CSMD2: variants seen among roughly 807,000 people sequenced by gnomAD.
The protein encoded by CSMD2 is CUB and sushi domain-containing protein 2.
Under a neutral mutation model 398.5 loss-of-function variants are expected in CSMD2, and 130 were observed. That is an observed-to-expected ratio of 0.33 (90% CI 0.28 to 0.38). The LOEUF (loss-of-function observed/expected upper bound fraction) is 0.38. CSMD2 is among the 10% of genes least tolerant of loss of function. The pLI is 1.00. For missense variants in CSMD2, 3,829 were observed against 4,764.9 expected (o/e 0.80, Z 5.78); for synonymous variants, 1,828 against 1,908.5 (o/e 0.96, Z 1.10).
At chr1:34,087,384 C>T (rs1658004039) in intron 2 of CSMD2, among the ~76,000 whole-genome samples, 2 of 151,774 alleles carry the variant, frequency 1.3e-5, no homozygotes, top group Admixed American at 6.6e-5. Context: ...GAAAACCAAA[C>T]ACTGCATGTT....
At chr1:34,089,420 A>G (rs563409765) in intron 1 of CSMD2, among the ~76,000 whole-genome samples, 35 of 152,240 alleles carry the variant, frequency 2.3e-4, no homozygotes, top group African/African-American at 7.9e-4. Context: ...TCATTTAATC[A>G]AGGCTTACAA....
At chr1:34,133,705 G>T (rs970749744) in intron 1 of CSMD2, among the ~76,000 whole-genome samples, 8 of 152,026 alleles carry the variant, frequency 5.3e-5, no homozygotes, top group Non-Finnish European at 7.4e-5. Flanking sequence ...CCCATCCCTT[G>T]TGTTCCTTTC....
intron 4 of CSMD2, among the ~76,000 whole-genome samples, chr1:33,925,449 T>C (rs181271788): frequency 6.6e-6 from 1 of 152,338 alleles, no homozygotes; most frequent in Non-Finnish European, 1.5e-5. Flanking sequence ...TATTATAGCC[T>C]TGTAATATAT....
At chr1:33,836,585 G>C (rs6685744) in intron 6 of CSMD2, among the ~76,000 whole-genome samples, 119,518 of 152,132 alleles carry the variant, frequency 0.79, 47,805 homozygotes, top group East Asian at 0.94. Context: ...CCCTAGCCTC[G>C]CTGCCACCTT....
At chr1:34,007,800 A>G (rs1647106662) in intron 3 of CSMD2, among the ~76,000 whole-genome samples, 1 of 152,210 alleles carries the variant, frequency 6.6e-6, no homozygotes, top group South Asian at 2.1e-4. Context: ...TGCCTGGAAG[A>G]ATAAATTACA....
At position 33,945,006 on chromosome 1, in the gene CSMD2, T is replaced by C. The variant is rs542018365; in HGVS notation, c.518-9052A>G. 2.6e-5 allele frequency among the ~76,000 whole-genome samples: 4 copies of C among 152,112 alleles called. No individual in the cohort carries two copies. The East Asian group carries it at 7.7e-4, about 29-fold the overall frequency. Reference sequence around the variant, plus strand: ...TCCAGTCAGAGCTCTCCTTGGCCCCTTTCCTCCAACCTAGACTAGCTGGGG... The same window carrying C: ...TCCAGTCAGAGCTCTCCTTGGCCCCCTTCCTCCAACCTAGACTAGCTGGGG... On this transcript the variant is annotated intron_variant, in intron 3 of 70. Transcript: ENST00000373381.
At chr1:33,738,496 G>T (rs1011878833) in intron 15 of CSMD2, among the ~76,000 whole-genome samples, 1 of 152,154 alleles carries the variant, frequency 6.6e-6, no homozygotes, top group African/African-American at 2.4e-5. Context: ...TATTTTAAAT[G>T]TCTGTAGTTT....
chr1:33,955,396 T>A (rs1299737229), intron 3 of CSMD2, among the ~76,000 whole-genome samples: 1 of 151,904 alleles, frequency 6.6e-6, no homozygotes, highest in Non-Finnish European at 1.5e-5. Context: ...TTCCAGGAAA[T>A]AATTACCCGC....
chr1:33,964,161 G>A (rs1209228118), intron 3 of CSMD2, among the ~76,000 whole-genome samples: 1 of 152,182 alleles, frequency 6.6e-6, no homozygotes. Flanking sequence ...TGGTGCCATG[G>A]AGTGGTGGAG....
rs1638287109 is a variant in CSMD2 at position 33,846,876 on chromosome 1, C to G, written c.1033+8G>C. On this transcript the variant is annotated splice_region_variant and intron_variant, in intron 6 of 70. Coordinates refer to ENST00000373381, the MANE Select transcript of CSMD2 (RefSeq NM_001281956.2). ...TGAGGAAGCCAGACAGTCCTGGGAC[C>G]TGCCTACCTTGGTATTGGGCACTGA... 6.3e-7 allele frequency: 1 copy of G among 1,582,528 alleles called. No homozygotes were observed. The highest frequency in any genetic ancestry group is 1.4e-5 in the African/African-American group (1 of 73,382).
At chr1:33,561,787 G>C (rs1046141081) in intron 53 of CSMD2, among the ~76,000 whole-genome samples, 1 of 152,292 alleles carries the variant, frequency 6.6e-6, no homozygotes, top group East Asian at 1.9e-4. Context: ...GGTCAAGAAG[G>C]TGGTGGGAGA....
intron 1 of CSMD2, among the ~76,000 whole-genome samples, chr1:34,144,125 G>A (rs1639554457): frequency 6.6e-6 from 1 of 152,108 alleles, no homozygotes; most frequent in Non-Finnish European, 1.5e-5. Context: ...AAACCTCCAA[G>A]GCTGTCTGGT....
In CSMD2 at chr1:33,788,669, G is replaced by T; in HGVS notation, c.1594C>A (p.His532Asn). The change falls in exon 12 of 71, where the codon CAT becomes AAT. Residue 532 changes from histidine (H) to asparagine (N), a missense_variant. His to Asn is a moderately conservative substitution (Grantham distance 68). Transcript: ENST00000373381. ...GTCTGGAAGAGGAGCCACATTTGAT[G>T]ATTGGTGCTGACAATGAGATCCGGG... ...SVPDLIVSTN[H>N]QMWLLFQTDG... is the part of the protein sequence containing the mutation. 6.2e-7 allele frequency: 1 copy of T among 1,614,018 alleles called. No individual in the cohort carries two copies. Among genetic ancestry groups the T allele is most frequent in the African/African-American group, 1.3e-5 (1 of 75,038 alleles).
At chr1:33,774,800 G>A (rs1025703260) in intron 12 of CSMD2, among the ~76,000 whole-genome samples, 6 of 152,142 alleles carry the variant, frequency 3.9e-5, no homozygotes, top group African/African-American at 1.4e-4. Flanking sequence ...CCTTCCCATC[G>A]TGTAGGCACA....
chr1:33,850,227 G>A (rs1321837140), intron 5 of CSMD2, among the ~76,000 whole-genome samples: 3 of 149,930 alleles, frequency 2.0e-5, no homozygotes, highest in South Asian at 2.1e-4. Context: ...GAGTGTGCAC[G>A]CACACACACA....
At chr1:33,912,271 G>A (rs1178825235) in intron 5 of CSMD2, among the ~76,000 whole-genome samples, 1 of 152,154 alleles carries the variant, frequency 6.6e-6, no homozygotes, top group Non-Finnish European at 1.5e-5. Context: ...GCCAGGGCAA[G>A]GAAGAGAGAC....
At chr1:33,748,089 A>G (rs1224309948) in intron 13 of CSMD2, among the ~76,000 whole-genome samples, 2 of 152,236 alleles carry the variant, frequency 1.3e-5, no homozygotes, top group African/African-American at 4.8e-5. Flanking sequence ...TGACACTCTT[A>G]GAACAAGAAT....
At position 33,633,105 on chromosome 1, in the gene CSMD2, T is replaced by G. The variant is rs1210889409; in HGVS notation, c.5200+317A>C. Among the ~76,000 whole-genome samples the G allele has an allele frequency of 6.6e-6, 1 of 152,220 alleles. No homozygotes were observed. The highest frequency in any genetic ancestry group is 1.5e-5 in the Non-Finnish European group (1 of 68,044). ...GTATGCAATTATTTTGTTTTGTCAC[T>G]AAGTTTTCTATAATGAAAATGCAAT... On this transcript the variant is annotated intron_variant, in intron 32 of 70. Transcript: ENST00000373381. The surrounding 1 kb of genome is among the most constrained non-coding windows in gnomAD (Gnocchi z 5.0).
At chr1:33,614,260 T>C (rs1285838408) in intron 40 of CSMD2, among the ~76,000 whole-genome samples, 3 of 152,136 alleles carry the variant, frequency 2.0e-5, no homozygotes, top group African/African-American at 7.2e-5. Context: ...TCCTGGATTT[T>C]AGTTTATGGC....
Sources: gnomAD v4.1 joint callset for allele counts (sites outside exome capture counted in the v4.1 genomes callset) on GRCh38, gnomAD v4.1.1 for gene constraint, Gnocchi (gnomAD v3.1) non-coding constraint, MANE v1.5 for transcripts, NCBI Gene and HGNC (gene_info 2026-07-23, HGNC 2026-07-21) for gene names.